Variants in FBXL7 observed in about 807,000 individuals in gnomAD.
FBXL7 encodes the protein F-box/LRR-repeat protein 7.
FBXL7 carries 12 observed loss-of-function variants against 38.3 expected under a neutral mutation model. That is an observed-to-expected ratio of 0.31 (90% CI 0.20 to 0.51). The LOEUF is 0.51. Among genes scored for constraint, FBXL7 ranks in the 20% least tolerant of loss-of-function variants. FBXL7 has a pLI of 0.98. For synonymous variants in FBXL7, 297 were observed against 300.9 expected, an observed-to-expected ratio of 0.99 and a Z score of 0.13; for missense variants, 567 against 676.4, an observed-to-expected ratio of 0.84 and a Z score of 1.79.
chr5:15,619,187 G>C (rs896025547), intron 2 of FBXL7, among the ~76,000 whole-genome samples: 1 of 152,122 alleles, frequency 6.6e-6, no homozygotes, highest in Non-Finnish European at 1.5e-5. Context: ...TTCCCCGGTG[G>C]CATGGAACCG....
At chr5:15,604,146 A>G (rs1739912633) in intron 1 of FBXL7, among the ~76,000 whole-genome samples, 1 of 152,156 alleles carries the variant, frequency 6.6e-6, no homozygotes, top group African/African-American at 2.4e-5. Flanking sequence ...CAGCCTGGGC[A>G]ACAGAGTGAT....
intron 1 of FBXL7, among the ~76,000 whole-genome samples, chr5:15,589,225 A>G (rs1199908678): frequency 6.6e-6 from 1 of 151,962 alleles, no homozygotes; most frequent in Non-Finnish European, 1.5e-5. Context: ...CATGCTGTAT[A>G]TTTGATATGG....
At chr5:15,692,011 C>T (rs1005373350) in intron 2 of FBXL7, among the ~76,000 whole-genome samples, 1 of 152,006 alleles carries the variant, frequency 6.6e-6, no homozygotes, top group African/African-American at 2.4e-5. Context: ...TGGGAATGTG[C>T]CGTGGCTGAG....
rs377763857 is a variant in FBXL7 at position 15,883,018 on chromosome 5, A to G, written c.128-44872A>G. On this transcript the variant is annotated intron_variant, in intron 2 of 3. Transcript: ENST00000504595. ...CCAGCTTGCTCTGTCTTAGCCTCAG[A>G]CACATTATCAATAATTATCTCATCT... 2.2e-4 allele frequency among the ~76,000 whole-genome samples: 33 copies of G among 152,314 alleles called. 2 individuals carry two copies. The East Asian group carries it at 4.0e-3, about 19-fold the overall frequency.
chr5:15,897,584 A>G (rs1404867103), intron 2 of FBXL7, among the ~76,000 whole-genome samples: 4 of 152,228 alleles, frequency 2.6e-5, no homozygotes. Context: ...ATTTTAAAGT[A>G]AAAACATAAA....
At chr5:15,653,626 C>G (rs1251930514) in intron 2 of FBXL7, among the ~76,000 whole-genome samples, 1 of 152,060 alleles carries the variant, frequency 6.6e-6, no homozygotes, top group Non-Finnish European at 1.5e-5. Flanking sequence ...GCAATGTGCT[C>G]CAAAACCACT....
chr5:15,689,622 G>C (rs933229562), intron 2 of FBXL7, among the ~76,000 whole-genome samples: 2 of 152,122 alleles, frequency 1.3e-5, no homozygotes, highest in East Asian at 1.9e-4. Flanking sequence ...AGGTTGCACT[G>C]GTTAACTAAG....
chr5:15,774,212 T>C (rs1357706810), intron 2 of FBXL7, among the ~76,000 whole-genome samples: 2 of 152,094 alleles, frequency 1.3e-5, no homozygotes, highest in African/African-American at 4.8e-5. Context: ...TCTCACCTTG[T>C]CATTCAAACT....
chr5:15,845,864 G>T (rs55896316), intron 2 of FBXL7, among the ~76,000 whole-genome samples: 1 of 152,232 alleles, frequency 6.6e-6, no homozygotes, highest in East Asian at 1.9e-4. Flanking sequence ...CCAGCTACTC[G>T]GGAGGCTGAG....
At chr5:15,622,129 A>G (rs1291794908) in intron 2 of FBXL7, among the ~76,000 whole-genome samples, 1 of 152,108 alleles carries the variant, frequency 6.6e-6, no homozygotes, top group African/African-American at 2.4e-5. Flanking sequence ...ATTGGGCCTG[A>G]TTTATTTCAG....
At position 15,937,200 on chromosome 5, in the gene FBXL7, A is replaced by T. The variant is rs1579618477; in HGVS notation, c.*14A>T. The T allele has an allele frequency of 6.4e-7, 1 of 1,564,352 alleles. No individual in the cohort carries two copies. The highest frequency in any genetic ancestry group is 8.7e-7 in the Non-Finnish European group (1 of 1,153,986). ...GCTTTCTTCTGAAGGGACAGAGTTC[A>T]TCCGGCGTTGTATTCACACAAACCT... On this transcript the variant is annotated 3_prime_UTR_variant, in exon 4 of 4. Transcript: ENST00000504595.
At chr5:15,598,839 A>G (rs1174705106) in intron 1 of FBXL7, among the ~76,000 whole-genome samples, 1 of 152,100 alleles carries the variant, frequency 6.6e-6, no homozygotes, top group Non-Finnish European at 1.5e-5. Context: ...GCTTAGGGTA[A>G]ATAGAGCTCC....
chr5:15,721,897 C>T (rs983069051), intron 2 of FBXL7, among the ~76,000 whole-genome samples: 10 of 152,082 alleles, frequency 6.6e-5, no homozygotes, highest in East Asian at 1.9e-4. Context: ...TGCAGTGGCA[C>T]GATCTCAGCT....
chr5:15,804,012 A>T (rs1051506288), intron 2 of FBXL7, among the ~76,000 whole-genome samples: 7 of 152,182 alleles, frequency 4.6e-5, no homozygotes, highest in African/African-American at 1.7e-4. Context: ...CCTGAGCCCG[A>T]CATCACAGGA....
At chr5:15,819,929 C>T (rs1738126539) in intron 2 of FBXL7, among the ~76,000 whole-genome samples, 2 of 152,192 alleles carry the variant, frequency 1.3e-5, no homozygotes, top group South Asian at 4.1e-4. Flanking sequence ...GAAACTATGG[C>T]CTGCAGCAAA....
chr5:15,785,570 C>T (rs1737113256), intron 2 of FBXL7, among the ~76,000 whole-genome samples: 2 of 152,196 alleles, frequency 1.3e-5, no homozygotes, highest in Admixed American at 6.5e-5. Flanking sequence ...CAATCACCTC[C>T]CTCCTCCATC....
intron 2 of FBXL7, among the ~76,000 whole-genome samples, chr5:15,639,552 G>A (rs936382530): frequency 1.3e-5 from 2 of 151,892 alleles, no homozygotes; most frequent in African/African-American, 4.8e-5. Context: ...CAGCCACGTG[G>A]AACTGTGAGT....
rs1445005068 is a variant in FBXL7, at chr5:15,675,735, A to G, written c.127+59663A>G. 3.9e-5 allele frequency among the ~76,000 whole-genome samples: 6 copies of G among 152,340 alleles called. No homozygotes were observed. In the East Asian group the frequency reaches 5.8e-4, roughly 15 times the overall value. On this transcript the variant is annotated intron_variant, in intron 2 of 3. Coordinates refer to ENST00000504595, the MANE Select transcript of FBXL7 (RefSeq NM_012304.5). ...AGTCTATCATCTTACTAAGGATGCA[A>G]TTTGAAAGATTCTGAATGTAGTTTG...
At chr5:15,613,898 G>A (rs1321118301) in intron 1 of FBXL7, among the ~76,000 whole-genome samples, 3 of 152,154 alleles carry the variant, frequency 2.0e-5, no homozygotes, top group East Asian at 1.9e-4. Context: ...AGCAGATTTA[G>A]TGTCTGGTGA....
Sources: gnomAD v4.1 joint callset for allele counts (sites outside exome capture counted in the v4.1 genomes callset) on GRCh38, gnomAD v4.1.1 for gene constraint, MANE v1.5 for transcripts, NCBI Gene and HGNC (gene_info 2026-07-23, HGNC 2026-07-21) for gene names.